PMEL: variants seen among roughly 807,000 people sequenced by gnomAD.
The protein encoded by PMEL is premelanosome protein, also known as melanocyte protein PMEL.
PMEL carries 53 observed loss-of-function variants against 64.9 expected under a neutral mutation model. The ratio of observed to expected loss-of-function variants is 0.82; its 90% CI spans 0.66 to 1.03. PMEL has a LOEUF of 1.03. Among genes scored for constraint, PMEL ranks in the 50% least tolerant of loss-of-function variants. PMEL has a pLI of 0.00. For synonymous variants in PMEL, 299 were observed against 316.2 expected, an observed-to-expected ratio of 0.95 and a Z score of 0.58; for missense variants, 716 against 814.9, an observed-to-expected ratio of 0.88 and a Z score of 1.48.
rs1216180096 is a variant in PMEL, at chr12:55,957,594, G to A, written c.709C>T (p.Pro237Ser). ...TGGAGCTGGAGGGCAAAGGTCAGAG[G>A]CTGATTTCTCAGGAAGTGCTTGTTC... ...GGNKHFLRNQPLTFALQLHDP... is the reference protein window; with the variant it reads ...GGNKHFLRNQSLTFALQLHDP... The change falls in exon 6 of 11, where the codon CCT becomes TCT. Residue 237 changes from proline to serine, a missense_variant. Coordinates refer to ENST00000548747, the MANE Select transcript of PMEL (RefSeq NM_001384361.1). The A allele has an allele frequency of 1.2e-6, 2 of 1,613,738 alleles. No homozygotes were observed. Among genetic ancestry groups the A allele is most frequent in the Non-Finnish European group, 1.7e-6 (2 of 1,179,944 alleles).
rs1016259740 is a variant in PMEL, at chr12:55,957,000, C to T, written c.1303G>A (p.Glu435Lys). The change falls in exon 6 of 11, where the codon GAG becomes AAG. Residue 435 changes from glutamate (E) to lysine (K), a missense_variant. Glu to Lys is a moderately conservative substitution (Grantham distance 56). Coordinates refer to ENST00000548747, the MANE Select transcript of PMEL (RefSeq NM_001384361.1). Reference protein sequence around the residue: ...ETTARELPIPEPEGPDASSIM... With the variant: ...ETTARELPIPKPEGPDASSIM... ...GAGCTGGCATCTGGACCTTCAGGCT[C>T]AGGGATAGGTAGCTCTCTAGCTGTG... 1 of 1,614,180 alleles carries T rather than the reference C, an allele frequency of 6.2e-7. No individual in the cohort carries two copies. The highest frequency in any genetic ancestry group is 8.5e-7 in the Non-Finnish European group (1 of 1,180,018).
intron 10 of PMEL, among the ~76,000 whole-genome samples, chr12:55,954,598 G>T (rs1888774456): frequency 6.6e-6 from 1 of 152,092 alleles, no homozygotes; most frequent in Admixed American, 6.5e-5. Flanking sequence ...TGCCCTTCTT[G>T]CAGGTAGAAA....
intron 1 of PMEL, among the ~76,000 whole-genome samples, chr12:55,965,690 A>G (rs1034188353): frequency 1.3e-5 from 2 of 152,162 alleles, no homozygotes; most frequent in African/African-American, 4.8e-5. Context: ...CTGCCAAGGA[A>G]GCCTCAGAAT....
At chr12:55,964,664 T>C (rs565026263) in intron 1 of PMEL, among the ~76,000 whole-genome samples, 1 of 152,148 alleles carries the variant, frequency 6.6e-6, no homozygotes, top group Admixed American at 6.5e-5. Context: ...GTCTTGCTGT[T>C]GCCCAGGCTG....
chr12:55,961,591 A>G (rs1889103932), intron 2 of PMEL, 31 bp downstream of exon 2: 2 of 1,597,282 alleles, frequency 1.3e-6, no homozygotes, highest in African/African-American at 1.3e-5. Context: ...CACTCCCACC[A>G]TGCCCTCCCC....
chr12:55,955,492 T>A lies in PMEL; in HGVS notation c.1734A>T (p.Ala578=), dbSNP rs755088687. ...NVSLADTNSL[A]VVSTQLIMPG... is the part of the protein sequence containing the mutation. Reference sequence around the variant, plus strand: ...GCATGATAAGCTGGGTGCTGACCACTGCCAGGCTGTTGGTATCAGCCAGAG... The same window carrying A: ...GCATGATAAGCTGGGTGCTGACCACAGCCAGGCTGTTGGTATCAGCCAGAG... Residue 578 remains alanine (A), a synonymous_variant, in exon 9 of 11, where the codon GCA becomes GCT. Transcript: ENST00000548747. 2 of 1,614,012 alleles carry A rather than the reference T, an allele frequency of 1.2e-6. No homozygotes were observed. Among genetic ancestry groups the A allele is most frequent in the African/African-American group, 2.7e-5 (2 of 74,916 alleles).
chr12:55,962,178 G>A (rs1240181993), intron 1 of PMEL, among the ~76,000 whole-genome samples: 7 of 151,716 alleles, frequency 4.6e-5, no homozygotes, highest in Non-Finnish European at 8.8e-5. Flanking sequence ...GGGTGTGGTG[G>A]CTCACACCTG....
At chr12:55,956,843 A>G in intron 6 of PMEL, 106 bp downstream of exon 6, 1 of 1,238,808 alleles carries the variant, frequency 8.1e-7, no homozygotes, top group Non-Finnish European at 1.1e-6. Flanking sequence ...TGAGGGGACC[A>G]TAGTGCTAAG....
chr12:55,961,968 C>T (rs925974843), intron 1 of PMEL, among the ~76,000 whole-genome samples: 2 of 151,486 alleles, frequency 1.3e-5, no homozygotes, highest in African/African-American at 4.9e-5. Flanking sequence ...TCCTGAGTAG[C>T]TGGGATTACA....
chr12:55,961,686 G>T lies in PMEL; in HGVS notation c.123C>A (p.Thr41=), dbSNP rs1469062393. ...DWLGVSRQLR[T]KAWNRQLYPE... ...GATACAGCTGCCTGTTCCAGGCTTT[G>T]GTTCTGAGTTGCCTTGAGACACCAA... The change falls in exon 2 of 11, where the codon ACC becomes ACA. Residue 41 remains threonine, a synonymous_variant. Coordinates refer to ENST00000548747, the MANE Select transcript of PMEL (RefSeq NM_001384361.1). 4 of 1,614,038 alleles carry T rather than the reference G, an allele frequency of 2.5e-6. No homozygotes were observed. Among genetic ancestry groups the T allele is most frequent in the Middle Eastern group, 1.7e-4 (1 of 6,056 alleles).
Position 55,957,560 on chromosome 12 carries a change from CTGGGG to C in PMEL, c.738_742del (p.Asp246GlufsTer6). The C allele has an allele frequency of 6.2e-7, 1 of 1,613,522 alleles. No homozygotes were observed. The highest frequency in any genetic ancestry group is 8.5e-7 in the Non-Finnish European group (1 of 1,179,756). ...GAGGTCAGCTTCAGCCAGATAGCCA[CTGGGG>C]TCATGGAGCTGGAGGGCAAAGGTCA... On this transcript the variant is annotated frameshift_variant, in exon 6 of 11. Transcript: ENST00000548747. LOFTEE classifies it high-confidence loss of function.
In PMEL at chr12:55,957,253, A is replaced by G. The variant is rs532399129; in HGVS notation, c.1050T>C (p.Ser350=). 6.2e-7 allele frequency: 1 copy of G among 1,614,006 alleles called. No individual in the cohort carries two copies. Among genetic ancestry groups the G allele is most frequent in the South Asian group, 1.1e-5 (1 of 91,078 alleles). The change falls in exon 6 of 11, where the codon TCT becomes TCC. Residue 350 remains serine, a synonymous_variant. Transcript: ENST00000548747. ...TGACTTCAGTGGTTGGCACCTGCACAGATGTGGTTCCAGAGGGCTCTGCAG... is the reference window on the plus strand; with the variant it reads ...TGACTTCAGTGGTTGGCACCTGCACGGATGTGGTTCCAGAGGGCTCTGCAG... ...APTAEPSGTT[S]VQVPTTEVIS...
rs532239439 is a variant in PMEL, at chr12:55,965,294, T to C, written c.76+642A>G. Among the ~76,000 whole-genome samples the C allele has an allele frequency of 2.6e-5, 4 of 152,266 alleles. No homozygotes were observed. In the East Asian group the frequency reaches 5.8e-4, roughly 22 times the overall value. ...CTGGGGGAGGATCTGGAATCATCTA[T>C]TGAGCATCCCACCACTAGAACAAGA... is the stretch of plus-strand genomic sequence containing the variant. On this transcript the variant is annotated intron_variant, in intron 1 of 10. Transcript: ENST00000548747.
At chr12:55,963,654 G>T (rs914334015) in intron 1 of PMEL, among the ~76,000 whole-genome samples, 3 of 152,168 alleles carry the variant, frequency 2.0e-5, no homozygotes, top group African/African-American at 7.2e-5. Context: ...AGGTGGGTGG[G>T]TGTGAACAGA....
rs778118794 is a variant in PMEL, at chr12:55,954,321, C to T, written c.1879G>A (p.Val627Ile). 3.3e-5 allele frequency: 53 copies of T among 1,614,066 alleles called. No individual in the cohort carries two copies. Among genetic ancestry groups the T allele is most frequent in the South Asian group, 6.6e-5 (6 of 91,076 alleles). ...RRRLMKQDFS[V>I]PQLPHSSSHW... ...CTGCTGCTATGTGGCAACTGGGGTA[C>T]GGAGAAGTCTTGCTTCATAAGTCTG... The change falls in exon 11 of 11, where the codon GTA (valine) becomes ATA (isoleucine). Residue 627 changes from valine to isoleucine, a missense_variant. Transcript: ENST00000548747.
intron 3 of PMEL, among the ~76,000 whole-genome samples, chr12:55,959,042 A>G (rs2136441844): frequency 6.6e-6 from 1 of 150,826 alleles, no homozygotes; most frequent in South Asian, 2.1e-4. Flanking sequence ...AGCCTCCCGA[A>G]GTGCTGGGTT....
At chr12:55,959,471 A>AT (rs1398110785) in intron 3 of PMEL, among the ~76,000 whole-genome samples, 1 of 152,048 alleles carries the variant, frequency 6.6e-6, no homozygotes, top group Non-Finnish European at 1.5e-5. Flanking sequence ...ACATATCAAA[A>AT]TATTTAGAGT....
chr12:55,960,549 T>G (rs953408503), intron 3 of PMEL, among the ~76,000 whole-genome samples: 18 of 142,180 alleles, frequency 1.3e-4, no homozygotes, highest in Non-Finnish European at 2.7e-4. Context: ...TTTTTTTTTT[T>G]TTTTTTTTTT....
chr12:55,954,132 A>G lies in PMEL; in HGVS notation c.*82T>C. 7.6e-7 allele frequency: 1 copy of G among 1,321,112 alleles called. No homozygotes were observed. The highest frequency in any genetic ancestry group is 1.0e-6 in the Non-Finnish European group (1 of 954,158). 81.8% of individuals were successfully genotyped at this position (1,321,112 alleles called of 1,614,324 possible). ...AGGCTCTGAGTATTTATTTCAGTTAATAGTAGTCTCCCAGGGAAGACTGGG... is the reference window on the plus strand; with the variant it reads ...AGGCTCTGAGTATTTATTTCAGTTAGTAGTAGTCTCCCAGGGAAGACTGGG... On this transcript the variant is annotated 3_prime_UTR_variant, in exon 11 of 11. Coordinates refer to ENST00000548747, the MANE Select transcript of PMEL (RefSeq NM_001384361.1).
Sources: allele counts gnomAD v4.1 joint callset (sites outside exome capture counted in the v4.1 genomes callset), GRCh38; gene constraint gnomAD v4.1.1; transcripts MANE v1.5; gene names NCBI Gene and HGNC (gene_info 2026-07-23, HGNC 2026-07-21).